Variants in PEX13 observed in about 807,000 individuals in gnomAD.
PEX13 encodes peroxisome biogenesis factor 13.
A neutral mutation model predicts 34.5 loss-of-function variants in PEX13; 28 were observed. The observed-to-expected ratio is 0.81, with a 90% CI of 0.60 to 1.11. The LOEUF is 1.11. PEX13 is among the 50% of genes most tolerant of loss of function. The pLI is 0.00. For synonymous variants in PEX13, 177 were observed against 175.1 expected (o/e 1.01, Z -0.09); for missense variants, 550 against 491.0 (o/e 1.12, Z -1.13).
intron 2 of PEX13, among the ~76,000 whole-genome samples, chr2:61,035,445 G>A (rs1420788550): frequency 6.6e-6 from 1 of 152,186 alleles, no homozygotes; most frequent in Non-Finnish European, 1.5e-5. Context: ...TCGCCAGCAA[G>A]GGGACAAAGC....
chr2:61,033,699 C>T (rs960604523), intron 2 of PEX13, among the ~76,000 whole-genome samples: 11 of 152,070 alleles, frequency 7.2e-5, no homozygotes, highest in South Asian at 2.1e-4. Context: ...AGTCAGGGAA[C>T]GCCTCCCTGA....
chr2:61,035,568 A>G (rs182931992), intron 2 of PEX13, among the ~76,000 whole-genome samples: 2 of 152,252 alleles, frequency 1.3e-5, no homozygotes, highest in Non-Finnish European at 2.9e-5. Context: ...GAAGCTAAAA[A>G]CCTTGAAAAA....
chr2:61,018,364 G>T, intron 1 of PEX13: 1 of 1,491,066 alleles, frequency 6.7e-7, no homozygotes, highest in Non-Finnish European at 9.0e-7. Flanking sequence ...AACTCAGCCA[G>T]TGTTTCGGAT....
chr2:61,042,043 T>A (rs1347471324), intron 2 of PEX13, among the ~76,000 whole-genome samples: 1 of 152,258 alleles, frequency 6.6e-6, no homozygotes, highest in African/African-American at 2.4e-5. Flanking sequence ...GGGCCAAATC[T>A]GGCCTGCTCC....
chr2:61,035,347 T>TA (rs1278065837), intron 2 of PEX13, among the ~76,000 whole-genome samples: 14 of 152,070 alleles, frequency 9.2e-5, no homozygotes, highest in Non-Finnish European at 1.9e-4. Flanking sequence ...CAAAGGTAGA[T>TA]AAAACTACAA....
At chr2:61,032,227 T>C in intron 2 of PEX13, 114 bp downstream of exon 2, 1 of 808,272 alleles carries the variant, frequency 1.2e-6, no homozygotes, top group East Asian at 2.6e-5. Flanking sequence ...CAGTTATATT[T>C]TCAGTTAAGA....
At chr2:61,024,449 T>C (rs957894408) in intron 1 of PEX13, among the ~76,000 whole-genome samples, 1 of 152,216 alleles carries the variant, frequency 6.6e-6, no homozygotes, top group African/African-American at 2.4e-5. Flanking sequence ...TCATTCTGGG[T>C]ATTTTCTTCC....
chr2:61,026,096 T>C (rs1680349802), intron 1 of PEX13, among the ~76,000 whole-genome samples: 3 of 152,206 alleles, frequency 2.0e-5, no homozygotes, highest in Admixed American at 1.3e-4. Context: ...GTTTTTTTTT[T>C]CCTCCTTGAT....
intron 1 of PEX13, among the ~76,000 whole-genome samples, chr2:61,024,174 C>G (rs918226210): frequency 3.3e-5 from 5 of 152,140 alleles, no homozygotes; most frequent in African/African-American, 9.7e-5. Flanking sequence ...TATTTTTTCT[C>G]TGTTTTAGTT....
chr2:61,024,028 C>T (rs1680310760), intron 1 of PEX13, among the ~76,000 whole-genome samples: 2 of 152,126 alleles, frequency 1.3e-5, no homozygotes, highest in African/African-American at 4.8e-5. Context: ...AATTCCTGGG[C>T]TCAAGTGATC....
intron 2 of PEX13, among the ~76,000 whole-genome samples, chr2:61,033,389 A>G (rs1360937131): frequency 1.3e-5 from 2 of 152,222 alleles, no homozygotes; most frequent in African/African-American, 4.8e-5. Context: ...AGTAGAAATC[A>G]AAATGCCCTA....
chr2:61,019,191 ATG>A, intron 1 of PEX13: 1 of 152,138 alleles, frequency 6.6e-6, no homozygotes, highest in African/African-American at 2.4e-5. Context: ...AAACTTAACA[ATG>A]TAACAATAAT....
chr2:61,020,889 A>C (rs1291208305), intron 1 of PEX13, among the ~76,000 whole-genome samples: 1 of 152,190 alleles, frequency 6.6e-6, no homozygotes, highest in Non-Finnish European at 1.5e-5. Flanking sequence ...TCCTGACCTC[A>C]GGTGATCTGC....
chr2:61,022,118 TCTC>T (rs755475722), intron 1 of PEX13, among the ~76,000 whole-genome samples: 11 of 152,212 alleles, frequency 7.2e-5, no homozygotes, highest in Non-Finnish European at 1.5e-4. Flanking sequence ...GAGCACCTCA[TCTC>T]CTCCAAAGGA....
chr2:61,024,667 G>C (rs2104798160), intron 1 of PEX13, among the ~76,000 whole-genome samples: 1 of 152,268 alleles, frequency 6.6e-6, no homozygotes, highest in East Asian at 1.9e-4. Context: ...AAATTAGCTG[G>C]GCGTGGTGGT....
At position 61,017,797 on chromosome 2, in the gene PEX13, A is replaced by G. The variant is rs1445680431; in HGVS notation, c.38A>G (p.Glu13Gly). 7 of 1,550,370 alleles carry G rather than the reference A, an allele frequency of 4.5e-6. No individual in the cohort carries two copies. In the African/African-American group the frequency reaches 5.5e-5, roughly 12 times the overall value. The change falls in exon 1 of 4, where the codon GAG becomes GGG. Residue 13 changes from glutamate to glycine, a missense_variant. Coordinates refer to ENST00000295030, the MANE Select transcript of PEX13 (RefSeq NM_002618.4). Reference protein sequence around the residue: ...SQPPPPPKPWETRRIPGAGPG... With the variant: ...SQPPPPPKPWGTRRIPGAGPG... ...CCGCCACCTCCCCCCAAACCCTGGG[A>G]GACCCGCCGAATTCCGGGAGCCGGA... is the stretch of plus-strand genomic sequence containing the variant.
intron 1 of PEX13, 99 bp downstream of exon 1, chr2:61,017,950 C>G: frequency 4.4e-6 from 6 of 1,377,946 alleles, no homozygotes; most frequent in Non-Finnish European, 6.0e-6. Flanking sequence ...TTCCCTTCCC[C>G]CCTTTAACCA....
At chr2:61,024,635 C>G (rs1011347737) in intron 1 of PEX13, among the ~76,000 whole-genome samples, 4 of 152,124 alleles carry the variant, frequency 2.6e-5, no homozygotes, top group African/African-American at 9.7e-5. Flanking sequence ...TGGTGAAGCC[C>G]CGTCTCTACT....
intron 2 of PEX13, among the ~76,000 whole-genome samples, chr2:61,035,176 C>T (rs1441913950): frequency 6.6e-6 from 1 of 152,176 alleles, no homozygotes. Flanking sequence ...GATACCCAGG[C>T]AAACAGGGTC....
Sources: allele counts gnomAD v4.1 joint callset (sites outside exome capture counted in the v4.1 genomes callset), GRCh38; gene constraint gnomAD v4.1.1; transcripts MANE v1.5; gene names NCBI Gene and HGNC (gene_info 2026-07-23, HGNC 2026-07-21).